Variants in SCN2A observed in about 807,000 individuals in gnomAD.
SCN2A encodes sodium voltage-gated channel alpha subunit 2.
A neutral mutation model predicts 188.7 loss-of-function variants in SCN2A; 20 were observed. The ratio of observed to expected loss-of-function variants is 0.11; its 90% CI spans 0.07 to 0.15. The LOEUF (loss-of-function observed/expected upper bound fraction) is 0.15. SCN2A is among the 10% of genes least tolerant of loss of function. The pLI is 1.00. For synonymous variants in SCN2A, 804 were observed against 833.1 expected (o/e 0.97, Z 0.60); for missense variants, 1,278 against 2,445.0 (o/e 0.52, Z 10.07).
At position 165,309,417 on chromosome 2, in the gene SCN2A, C is replaced by T; in HGVS notation, c.671C>T (p.Ala224Val). The stretch of plus-strand genomic sequence containing the variant: ...TTGAGAACATTCAGAGTTCTCCGAG[C>T]ATTGAAAACAATTTCAGTCATTCCA... ...SALRTFRVLR[A>V]LKTISVIPGL... Residue 224 changes from alanine to valine, a missense_variant, in exon 6 of 27, where the codon GCA becomes GTA. Physicochemically the swap from Ala to Val is moderately conservative, Grantham distance 64. This residue lies in a region of SCN2A where 37 missense variants were observed against 154.9 expected (regional missense o/e 0.24). Coordinates refer to ENST00000375437, the MANE Select transcript of SCN2A (RefSeq NM_001040142.2). The T allele has an allele frequency of 6.2e-7, 1 of 1,613,608 alleles. No individual in the cohort carries two copies. Among genetic ancestry groups the T allele is most frequent in the Admixed American group, 1.7e-5 (1 of 59,964 alleles).
intron 17 of SCN2A, among the ~76,000 whole-genome samples, chr2:165,362,101 T>C (rs1700489215): frequency 6.6e-6 from 1 of 151,978 alleles, no homozygotes; most frequent in Admixed American, 6.6e-5. Flanking sequence ...ACACAAACAT[T>C]GGTGCTAGAG....
chr2:165,253,232 T>G (rs570188256), intron 1 of SCN2A, among the ~76,000 whole-genome samples: 5 of 152,264 alleles, frequency 3.3e-5, no homozygotes, highest in Non-Finnish European at 7.4e-5. Context: ...CTTCTTAACC[T>G]TTACATTCCA....
chr2:165,245,528 A>G (rs1336281130), intron 1 of SCN2A: 7 of 152,264 alleles, frequency 4.6e-5, no homozygotes, highest in African/African-American at 1.7e-4. Flanking sequence ...ACTGACTAAC[A>G]CACTATGTCT....
At chr2:165,293,860 G>A (rs746854009) in intron 1 of SCN2A, 4 of 984,738 alleles carry the variant, frequency 4.1e-6, no homozygotes, top group African/African-American at 1.8e-5. Context: ...CTGTGTGTAC[G>A]CTGTGAAGGT....
intron 7 of SCN2A, 160 bp downstream of exon 7, chr2:165,310,755 A>G: frequency 2.2e-6 from 1 of 462,672 alleles, no homozygotes; most frequent in Non-Finnish European, 3.6e-6. Context: ...ACCTTATTCT[A>G]TTTTTCTTAT....
intron 17 of SCN2A, among the ~76,000 whole-genome samples, chr2:165,357,413 G>T (rs758905487): frequency 2.8e-4 from 43 of 152,144 alleles, no homozygotes; most frequent in African/African-American, 1.0e-3. Context: ...AAAAAATGAG[G>T]CTTTTTTACT....
At chr2:165,271,392 G>A (rs1695098657) in intron 1 of SCN2A, 1 of 152,024 alleles carries the variant, frequency 6.6e-6, no homozygotes, top group Admixed American at 6.6e-5. Context: ...TGGCCACATG[G>A]AGATAGTACA....
At chr2:165,381,319 G>C (rs1233890910) in intron 25 of SCN2A, 122 bp downstream of exon 25, 4 of 669,606 alleles carry the variant, frequency 6.0e-6, no homozygotes, top group Non-Finnish European at 1.1e-5. Context: ...CCTTAACAAT[G>C]GGACTAGCTA....
chr2:165,329,801 T>C (rs1698577809), intron 13 of SCN2A, among the ~76,000 whole-genome samples: 1 of 152,150 alleles, frequency 6.6e-6, no homozygotes, highest in Admixed American at 6.5e-5. Flanking sequence ...TTTAGAAGTA[T>C]TTACAAAATA....
intron 16 of SCN2A, among the ~76,000 whole-genome samples, chr2:165,349,234 C>T (rs1330666156): frequency 6.6e-6 from 1 of 152,148 alleles, no homozygotes; most frequent in African/African-American, 2.4e-5. Context: ...CATGAATGAT[C>T]AGACAGCAAT....
rs763684457 is a variant in SCN2A, at chr2:165,344,739, A to G, written c.2747A>G (p.Asn916Ser). ...SYKECVCKIS[N>S]DCELPRWHMH... ...AAAGAATGTGTCTGCAAGATTTCCA[A>G]TGATTGTGAACTCCCACGCTGGCAC... Residue 916 changes from asparagine (N) to serine (S), a missense_variant, in exon 16 of 27, where the codon AAT becomes AGT. Coordinates refer to ENST00000375437, the MANE Select transcript of SCN2A (RefSeq NM_001040142.2). 9.3e-6 allele frequency: 15 copies of G among 1,614,120 alleles called. No individual in the cohort carries two copies. Among genetic ancestry groups the G allele is most frequent in the Middle Eastern group, 3.3e-4 (2 of 6,062 alleles).
chr2:165,266,256 A>G (rs1048204647), intron 1 of SCN2A, among the ~76,000 whole-genome samples: 1 of 151,984 alleles, frequency 6.6e-6, no homozygotes, highest in African/African-American at 2.4e-5. Context: ...ACCACCACCA[A>G]CACTCCCTCC....
intron 19 of SCN2A, among the ~76,000 whole-genome samples, chr2:165,369,309 G>A (rs528096249): frequency 3.3e-5 from 5 of 152,246 alleles, no homozygotes; most frequent in African/African-American, 1.2e-4. Context: ...GGAGCTCTTT[G>A]TTCTCAGTTA....
intron 16 of SCN2A, among the ~76,000 whole-genome samples, chr2:165,352,246 G>A (rs1304064884): frequency 6.6e-6 from 1 of 151,782 alleles, no homozygotes; most frequent in African/African-American, 2.4e-5. Context: ...AATTTTATTG[G>A]TAAATTCCAG....
chr2:165,252,714 A>G (rs1694148350), intron 1 of SCN2A, among the ~76,000 whole-genome samples: 1 of 152,076 alleles, frequency 6.6e-6, no homozygotes, highest in Non-Finnish European at 1.5e-5. Flanking sequence ...CTCAAGAGTT[A>G]GGCAAAGATT....
In SCN2A at chr2:165,391,886, C is replaced by G. The variant is rs1307411008; in HGVS notation, c.*2062C>G. ...TTATATTACCAGTTACAGCAAAATA[C>G]TTTGTGTTTCACAAGCAACAATAAA... On this transcript the variant is annotated 3_prime_UTR_variant, in exon 27 of 27. Coordinates refer to ENST00000375437, the MANE Select transcript of SCN2A (RefSeq NM_001040142.2). The G allele has an allele frequency of 6.6e-6, 1 of 152,462 alleles. No individual in the cohort carries two copies. The highest frequency in any genetic ancestry group is 1.5e-5 in the Non-Finnish European group (1 of 67,956). The allele number at this position is 152,462 out of a possible 1,614,324, so 9.4% of individuals were successfully genotyped here.
Position 165,308,783 on chromosome 2 carries a change from C to G in SCN2A, c.594C>G (p.Val198=), listed in dbSNP as rs748895911. The change falls in exon 5 of 27, where the codon GTC becomes GTG. Residue 198 remains valine (V), a synonymous_variant. Coordinates refer to ENST00000375437, the MANE Select transcript of SCN2A (RefSeq NM_001040142.2). ...RDPWNWLDFT[V]ITFAYVTEFV... ...CATGGAATTGGTTGGATTTCACAGT[C>G]ATTACTTTTGCGTAAGTATCTTAAT... is the stretch of plus-strand genomic sequence containing the variant. 3 of 1,612,558 alleles carry G rather than the reference C, an allele frequency of 1.9e-6. No individual in the cohort carries two copies.
intron 12 of SCN2A, 29 bp from the exon 13 acceptor site, chr2:165,326,823 G>T: frequency 6.2e-6 from 10 of 1,613,114 alleles, no homozygotes; most frequent in Non-Finnish European, 8.5e-6. Flanking sequence ...CAAAAATAGT[G>T]GTTATTTCAT....
At chr2:165,303,299 G>T (rs1230147144) in intron 3 of SCN2A, among the ~76,000 whole-genome samples, 6 of 85,426 alleles carry the variant, frequency 7.0e-5, no homozygotes, top group African/African-American at 1.0e-4. Flanking sequence ...TTTTTGAGAC[G>T]GGTTCTCGCT....
Sources: allele counts gnomAD v4.1 joint callset (sites outside exome capture counted in the v4.1 genomes callset), GRCh38; gene constraint gnomAD v4.1.1; regional missense constraint gnomAD v4.1.1; transcripts MANE v1.5; gene names NCBI Gene and HGNC (gene_info 2026-07-23, HGNC 2026-07-21).